Variants in ADAMTSL4 observed in about 807,000 individuals in gnomAD.
The protein encoded by ADAMTSL4 is ADAMTS like 4.
In ADAMTSL4, 97 loss-of-function variants were observed where a neutral mutation model predicts 122.8. That is an observed-to-expected ratio of 0.79 (90% CI 0.67 to 0.93). The LOEUF is 0.93. ADAMTSL4 is among the 40% of genes least tolerant of loss of function. The probability of loss-of-function intolerance (pLI) is 0.00; values close to 1 mark genes in which losing one functional copy is unlikely to be tolerated. For missense variants in ADAMTSL4, 1,408 were observed against 1,453.5 expected, an observed-to-expected ratio of 0.97 and a Z score of 0.51; for synonymous variants, 592 against 568.0, an observed-to-expected ratio of 1.04 and a Z score of -0.60.
chr1:150,550,559 G>A, intron 2 of ADAMTSL4: 1 of 371,944 alleles, frequency 2.7e-6, no homozygotes, highest in South Asian at 2.0e-5. Flanking sequence ...ATGAAGAGGG[G>A]TCGGCATCAG....
chr1:150,556,128 T>C lies in ADAMTSL4; in HGVS notation c.1372-34T>C, dbSNP rs1364331685. On this transcript the variant is annotated intron_variant, in intron 8 of 18. Coordinates refer to ENST00000271643, the MANE Select transcript of ADAMTSL4 (RefSeq NM_019032.6). This position sits in a 1 kb window ranked among gnomAD's most constrained non-coding sequence, Gnocchi z 4.1. ...GGTGGGGTTGAGGTGGTGTCTGGCG[T>C]TCTGTGGCCACTGCCTCACCTCACT... 2 of 1,611,310 alleles carry C rather than the reference T, an allele frequency of 1.2e-6. No homozygotes were observed. The highest frequency in any genetic ancestry group is 1.7e-6 in the Non-Finnish European group (2 of 1,178,602).
At chr1:150,551,061 G>A (rs1269763841) in intron 2 of ADAMTSL4, 1 of 453,808 alleles carries the variant, frequency 2.2e-6, no homozygotes, top group South Asian at 1.6e-5. Flanking sequence ...CTCAAAGTGA[G>A]AAGAAGGGGG....
Position 150,558,579 on chromosome 1 carries a change from C to G in ADAMTSL4, c.2489C>G (p.Pro830Arg). 2 of 1,613,754 alleles carry G rather than the reference C, an allele frequency of 1.2e-6. No individual in the cohort carries two copies. The highest frequency in any genetic ancestry group is 8.5e-7 in the Non-Finnish European group (1 of 1,179,836). Residue 830 changes from proline to arginine, a missense_variant, in exon 15 of 19, where the codon CCC (proline) becomes CGC (arginine). Pro to Arg is a moderately radical substitution (Grantham distance 103). Coordinates refer to ENST00000271643, the MANE Select transcript of ADAMTSL4 (RefSeq NM_019032.6). The part of the protein sequence containing the change: ...EQECASGPPQ[P>R]PSREACDMGP... The stretch of plus-strand genomic sequence containing the variant: ...GAGTGTGCGTCAGGCCCCCCGCAGC[C>G]CCCCAGCAGAGAGGCCTGTGACATG...
chr1:150,556,558 G>A lies in ADAMTSL4; in HGVS notation c.1577-63G>A, dbSNP rs900624577. 1.9e-5 allele frequency: 31 copies of A among 1,606,860 alleles called. No individual in the cohort carries two copies. The highest frequency in any genetic ancestry group is 5.4e-5 in the African/African-American group (4 of 74,756). ...GGGAGCTTCTATAGGCTAAGGACAC[G>A]GTGTGGGAGGAGGAAGGTATTATCA... On this transcript the variant is annotated intron_variant, in intron 9 of 18. Coordinates refer to ENST00000271643, the MANE Select transcript of ADAMTSL4 (RefSeq NM_019032.6). This position sits in a 1 kb window ranked among gnomAD's most constrained non-coding sequence, Gnocchi z 4.1.
At chr1:150,550,865 G>A (rs1188399136) in intron 2 of ADAMTSL4, 1 of 456,586 alleles carries the variant, frequency 2.2e-6, no homozygotes, top group South Asian at 1.5e-5. Flanking sequence ...GTGGGGCTGA[G>A]TGTCTGCCCC....
At position 150,557,545 on chromosome 1, in the gene ADAMTSL4, T is replaced by A; in HGVS notation, c.2099T>A (p.Leu700Gln). 1 of 1,611,472 alleles carries A rather than the reference T, an allele frequency of 6.2e-7. No individual in the cohort carries two copies. Among genetic ancestry groups the A allele is most frequent in the Non-Finnish European group, 8.5e-7 (1 of 1,179,230 alleles). Residue 700 changes from leucine to glutamine, a missense_variant, in exon 13 of 19, where the codon CTG becomes CAG. Coordinates refer to ENST00000271643, the MANE Select transcript of ADAMTSL4 (RefSeq NM_019032.6). ...ATCTCCCGTGAGTCGGGAGAGGAAC[T>A]GGATGAACGCAGCTGTGCCGCGGGT... ...LCISRESGEE[L>Q]DERSCAAGAR...
rs1322153899 is a variant in ADAMTSL4, at chr1:150,559,048, AG to A, written c.2647del (p.Ala883GlnfsTer65). On this transcript the variant is annotated frameshift_variant, in exon 16 of 19. Transcript: ENST00000271643. LOFTEE classifies it high-confidence loss of function. This position sits in a 1 kb window ranked among gnomAD's most constrained non-coding sequence, Gnocchi z 4.1. Reference protein sequence around the residue: ...GAALGPGQGEAGAGTGQSCPT... With the variant: ...GAALGPGQGEXGAGTGQSCPT... ...CAGCCCTCGGGCCAGGCCAGGGGGA[AG>A]CAGGAGCAGGAACTGGGCAGAGCTG... is the stretch of plus-strand genomic sequence containing the variant. 12 of 1,612,542 alleles carry A rather than the reference AG, an allele frequency of 7.4e-6. No individual in the cohort carries two copies. Among genetic ancestry groups the A allele is most frequent in the Non-Finnish European group, 1.0e-5 (12 of 1,179,922 alleles).
Position 150,553,780 on chromosome 1 carries a change from C to T in ADAMTSL4, c.789C>T (p.Pro263=), listed in dbSNP as rs1671696614. ...CCCAGGCCTCTGGCACAGAGCCCCC[C>T]TCACCCACGCACTCCTTAGGAGAAG... The part of the protein sequence containing the change: ...PRAQASGTEP[P]SPTHSLGEGG... The change falls in exon 6 of 19, where the codon CCC becomes CCT. Residue 263 remains proline, a synonymous_variant. Coordinates refer to ENST00000271643, the MANE Select transcript of ADAMTSL4 (RefSeq NM_019032.6). 1 of 1,613,986 alleles carries T rather than the reference C, an allele frequency of 6.2e-7. No homozygotes were observed. The highest frequency in any genetic ancestry group is 2.2e-5 in the East Asian group (1 of 44,842).
chr1:150,558,453 G>C lies in ADAMTSL4; in HGVS notation c.2383-20G>C. ...AAGGTCTGGGAAGCCCAGCTCCCTG[G>C]ATTCCCCTCGCCCCCTCAGTGCTCC... On this transcript the variant is annotated intron_variant, in intron 14 of 18. Coordinates refer to ENST00000271643, the MANE Select transcript of ADAMTSL4 (RefSeq NM_019032.6). The C allele has an allele frequency of 6.2e-7, 1 of 1,612,732 alleles. No homozygotes were observed. The highest frequency in any genetic ancestry group is 2.2e-5 in the East Asian group (1 of 44,874).
At chr1:150,550,334 G>A in intron 2 of ADAMTSL4, 1 of 453,112 alleles carries the variant, frequency 2.2e-6, no homozygotes, top group Non-Finnish European at 4.4e-6. Flanking sequence ...GCCCCTGCCG[G>A]GCTGCGCAGG....
rs187705441 is a variant in ADAMTSL4, at chr1:150,557,857, C to G, written c.2178-88C>G. The G allele has an allele frequency of 2.2e-4, 329 of 1,502,672 alleles. No individual in the cohort carries two copies. The African/African-American group carries it at 4.1e-3, about 19-fold the overall frequency. 93.1% of individuals were successfully genotyped at this position (1,502,672 alleles called of 1,614,324 possible). A position where few individuals can be genotyped will look rare whatever the true frequency, so the allele number is the denominator to read the frequency against. On this transcript the variant is annotated intron_variant, in intron 13 of 18. Coordinates refer to ENST00000271643, the MANE Select transcript of ADAMTSL4 (RefSeq NM_019032.6). ...CCACTCTCCTCTGAGGCCCCCACGTCCAGTGTGTCTTCCATCTCTGCTGCC... is the reference window on the plus strand; with the variant it reads ...CCACTCTCCTCTGAGGCCCCCACGTGCAGTGTGTCTTCCATCTCTGCTGCC...
rs774758021 is a variant in ADAMTSL4, at chr1:150,558,580, C to T, written c.2490C>T (p.Pro830=). The part of the protein sequence containing the change: ...EQECASGPPQ[P]PSREACDMGP... ...AGTGTGCGTCAGGCCCCCCGCAGCC[C>T]CCCAGCAGAGAGGCCTGTGACATGG... Residue 830 remains proline (P), a synonymous_variant, in exon 15 of 19, where the codon CCC becomes CCT. Coordinates refer to ENST00000271643, the MANE Select transcript of ADAMTSL4 (RefSeq NM_019032.6). 2.5e-6 allele frequency: 4 copies of T among 1,613,690 alleles called. No individual in the cohort carries two copies. The highest frequency in any genetic ancestry group is 2.7e-5 in the African/African-American group (2 of 74,912).
In ADAMTSL4 at chr1:150,553,613, G is replaced by C; in HGVS notation, c.622G>C (p.Gly208Arg). ...AAGAGCAGAGCCATTCTCCGCAAAC[G>C]GCAGCCCCCAAACTGAGCTCCCTCC... ...TPRAEPFSAN[G>R]SPQTELPPTE... Residue 208 changes from glycine (G) to arginine (R), a missense_variant, in exon 6 of 19, where the codon GGC (glycine) becomes CGC (arginine). Coordinates refer to ENST00000271643, the MANE Select transcript of ADAMTSL4 (RefSeq NM_019032.6). 1.9e-6 allele frequency: 3 copies of C among 1,613,608 alleles called. No homozygotes were observed. Among genetic ancestry groups the C allele is most frequent in the Non-Finnish European group, 2.5e-6 (3 of 1,179,904 alleles).
At position 150,552,340 on chromosome 1, in the gene ADAMTSL4, G is replaced by T; in HGVS notation, c.20+32G>T. 1 of 1,552,662 alleles carries T rather than the reference G, an allele frequency of 6.4e-7. No individual in the cohort carries two copies. Among genetic ancestry groups the T allele is most frequent in the East Asian group, 2.4e-5 (1 of 41,562 alleles). ...GAAGGGGCCACGGGTTGGGGGGGAG[G>T]AAAAGGGGAGGTGCTGGGATGGCTC... On this transcript the variant is annotated intron_variant, in intron 3 of 18. Coordinates refer to ENST00000271643, the MANE Select transcript of ADAMTSL4 (RefSeq NM_019032.6). This position sits in a 1 kb window ranked among gnomAD's most constrained non-coding sequence, Gnocchi z 4.0.
Position 150,558,007 on chromosome 1 carries a change from A to G in ADAMTSL4, c.2240A>G (p.Gln747Arg). 1.9e-6 allele frequency: 3 copies of G among 1,612,468 alleles called. No individual in the cohort carries two copies. Among genetic ancestry groups the G allele is most frequent in the Non-Finnish European group, 2.5e-6 (3 of 1,179,804 alleles). Reference sequence around the variant, plus strand: ...TGTGGCCCCGGCACCCAGCACCGCCAGCTGCAGTGCCGGCAGGAATTTGGG... The same window carrying G: ...TGTGGCCCCGGCACCCAGCACCGCCGGCTGCAGTGCCGGCAGGAATTTGGG... Reference protein sequence around the residue: ...RSCGPGTQHRQLQCRQEFGGG... With the variant: ...RSCGPGTQHRRLQCRQEFGGG... The change falls in exon 14 of 19, where the codon CAG becomes CGG. Residue 747 changes from glutamine (Q) to arginine (R), a missense_variant. Coordinates refer to ENST00000271643, the MANE Select transcript of ADAMTSL4 (RefSeq NM_019032.6).
chr1:150,559,184 G>C lies in ADAMTSL4; in HGVS notation c.2763+19G>C, dbSNP rs1313817267. ...GGGTGAGGTAAGCTGAGCGCCTGCTGAGAGCAGGAAGGGGGTGCCAGTCCC... is the reference window on the plus strand; with the variant it reads ...GGGTGAGGTAAGCTGAGCGCCTGCTCAGAGCAGGAAGGGGGTGCCAGTCCC... On this transcript the variant is annotated intron_variant, in intron 16 of 18. Coordinates refer to ENST00000271643, the MANE Select transcript of ADAMTSL4 (RefSeq NM_019032.6). This position sits in a 1 kb window ranked among gnomAD's most constrained non-coding sequence, Gnocchi z 4.1. 3 of 1,612,174 alleles carry C rather than the reference G, an allele frequency of 1.9e-6. No homozygotes were observed. Among genetic ancestry groups the C allele is most frequent in the Non-Finnish European group, 2.5e-6 (3 of 1,179,390 alleles).
chr1:150,554,871 T>TGA lies in ADAMTSL4; in HGVS notation c.1234+405_1234+406dup, dbSNP rs1219560836. 3 of 579,622 alleles carry TGA rather than the reference T, an allele frequency of 5.2e-6. No homozygotes were observed. The Admixed American group carries it at 9.0e-5, about 17-fold the overall frequency. The allele number at this position is 579,622 out of a possible 1,614,324, so 35.9% of individuals were successfully genotyped here. On this transcript the variant is annotated intron_variant, in intron 7 of 18. Coordinates refer to ENST00000271643, the MANE Select transcript of ADAMTSL4 (RefSeq NM_019032.6). The surrounding 1 kb of genome is among the most constrained non-coding windows in gnomAD (Gnocchi z 4.0). ...GCTTCATTTTAGGCCTGTGTTAACT[T>TGA]GACACCGGGATAAGCACTCAAGAGC...
In ADAMTSL4 at chr1:150,557,613, TGCCCCCCATA is replaced by T; in HGVS notation, c.2169_2177+1del. 6.2e-7 allele frequency: 1 copy of T among 1,600,114 alleles called. No individual in the cohort carries two copies. Among genetic ancestry groups the T allele is most frequent in the Middle Eastern group, 1.7e-4 (1 of 6,044 alleles). On this transcript the variant is annotated frameshift_variant and splice_region_variant, in exon 13 of 19. Transcript: ENST00000271643. LOFTEE classifies it high-confidence loss of function. ...CCCTGAACCCTGCCACGGCACCCCATGCCCCCCATAGTGAGTATGGGGGAGCCCACGGGGA... is the reference window on the plus strand; with the variant it reads ...CCCTGAACCCTGCCACGGCACCCCATGTGAGTATGGGGGAGCCCACGGGGA...
In ADAMTSL4 at chr1:150,558,603, T is replaced by C. The variant is rs772822597; in HGVS notation, c.2513T>C (p.Met838Thr). ...CCCCCCAGCAGAGAGGCCTGTGACA[T>C]GGGGCCCTGTACTACTGCCTGGTTC... is the stretch of plus-strand genomic sequence containing the variant. ...PQPPSREACD[M>T]GPCTTAWFHS... The change falls in exon 15 of 19, where the codon ATG becomes ACG. Residue 838 changes from methionine (M) to threonine (T), a missense_variant. Transcript: ENST00000271643. The C allele has an allele frequency of 4.5e-5, 72 of 1,613,670 alleles. No homozygotes were observed. The Middle Eastern group carries it at 4.9e-4, about 11-fold the overall frequency.
Sources: gnomAD v4.1 joint callset for allele counts on GRCh38, gnomAD v4.1.1 for gene constraint, Gnocchi (gnomAD v3.1) non-coding constraint, MANE v1.5 for transcripts, NCBI Gene and HGNC (gene_info 2026-07-23, HGNC 2026-07-21) for gene names.